The following RGS6 variants were observed in gnomAD, a reference collection of about 807,000 sequenced individuals.
RGS6 encodes regulator of G-protein signaling 6.
In RGS6, 30 loss-of-function variants were observed where a neutral mutation model predicts 78.5. That is an observed-to-expected ratio of 0.38 (90% CI 0.29 to 0.52). RGS6 has a LOEUF of 0.52. Ranked by LOEUF, RGS6 falls within the 20% of genes least tolerant of loss-of-function variation. RGS6 has a pLI of 0.85. For missense variants in RGS6, 495 were observed against 609.7 expected (o/e 0.81, Z 1.98); for synonymous variants, 206 against 206.0 (o/e 1.00, Z 0.00).
chr14:72,371,056 G>C (rs1189379970), intron 3 of RGS6, among the ~76,000 whole-genome samples: 1 of 152,198 alleles, frequency 6.6e-6, no homozygotes, highest in Non-Finnish European at 1.5e-5. Context: ...ATGGAAGGAA[G>C]GGTGTGGCTT....
At chr14:72,213,801 A>G (rs2044789786) in intron 2 of RGS6, among the ~76,000 whole-genome samples, 1 of 152,206 alleles carries the variant, frequency 6.6e-6, no homozygotes, top group Non-Finnish European at 1.5e-5. Context: ...CCCTATTGCA[A>G]AAATGATCCT....
chr14:72,427,847 TAG>T (rs1025868924), intron 3 of RGS6, among the ~76,000 whole-genome samples: 1 of 152,186 alleles, frequency 6.6e-6, no homozygotes, highest in Non-Finnish European at 1.5e-5. Flanking sequence ...CTTGGAGTAG[TAG>T]AGAGGACTCT....
At chr14:72,396,924 A>C (rs1306152485) in intron 3 of RGS6, among the ~76,000 whole-genome samples, 3 of 152,206 alleles carry the variant, frequency 2.0e-5, no homozygotes, top group Non-Finnish European at 4.4e-5. Flanking sequence ...TGGTACCAGT[A>C]CCATGCTGTT....
At chr14:72,366,174 C>T (rs1216537899) in intron 3 of RGS6, among the ~76,000 whole-genome samples, 1 of 152,140 alleles carries the variant, frequency 6.6e-6, no homozygotes, top group Non-Finnish European at 1.5e-5. Context: ...TTGAAATTTT[C>T]CCACCAATAT....
At chr14:72,599,268 G>A in the RGS6 span, among the ~76,000 whole-genome samples, 5 of 152,100 alleles carry the variant, frequency 3.3e-5, no homozygotes, top group East Asian at 1.9e-4. Context: ...GCCCCATCCC[G>A]TTCATCGCAT....
At chr14:72,303,906 C>T (rs1416215732) in intron 2 of RGS6, among the ~76,000 whole-genome samples, 3 of 152,086 alleles carry the variant, frequency 2.0e-5, no homozygotes, top group Non-Finnish European at 4.4e-5. Context: ...GCCTTTGAGC[C>T]CAAAAGTCTT....
chr14:72,348,388 T>C (rs1459158932), intron 2 of RGS6, among the ~76,000 whole-genome samples: 1 of 152,324 alleles, frequency 6.6e-6, no homozygotes, highest in South Asian at 2.1e-4. Flanking sequence ...ATCAATTAAA[T>C]AATTTATTTA....
At chr14:72,055,433 A>G (rs1215783283) in intron 2 of RGS6, among the ~76,000 whole-genome samples, 1 of 152,214 alleles carries the variant, frequency 6.6e-6, no homozygotes, top group Non-Finnish European at 1.5e-5. Context: ...AGAGGCTAGA[A>G]AACAAAGTAT....
At chr14:72,028,770 G>C (rs951430904) in intron 2 of RGS6, among the ~76,000 whole-genome samples, 1 of 152,200 alleles carries the variant, frequency 6.6e-6, no homozygotes, top group Admixed American at 6.5e-5. Context: ...GAAATTTTTA[G>C]AAGCTGTAGT....
intron 12 of RGS6, among the ~76,000 whole-genome samples, chr14:72,493,557 G>A (rs1304267521): frequency 2.6e-5 from 4 of 152,068 alleles, no homozygotes; most frequent in African/African-American, 9.7e-5. Context: ...AATTAGTGAT[G>A]AATACTATAA....
intron 2 of RGS6, among the ~76,000 whole-genome samples, chr14:72,305,449 A>G (rs1241519841): frequency 2.0e-5 from 3 of 152,104 alleles, no homozygotes; most frequent in African/African-American, 4.8e-5. Context: ...TATCAGTGCC[A>G]TTTTCCCAAA....
intron 2 of RGS6, among the ~76,000 whole-genome samples, chr14:72,208,872 C>T (rs1301348903): frequency 6.6e-6 from 1 of 152,094 alleles, no homozygotes; most frequent in South Asian, 2.1e-4. Flanking sequence ...TTCCTGCTAT[C>T]CCATGATAGG....
chr14:72,559,312 T>C (rs1043772854), intron 17 of RGS6, among the ~76,000 whole-genome samples: 1 of 152,200 alleles, frequency 6.6e-6, no homozygotes, highest in African/African-American at 2.4e-5. Context: ...CTTTGATCAC[T>C]GAAAACTACA....
chr14:72,284,069 A>G (rs929963555), intron 2 of RGS6, among the ~76,000 whole-genome samples: 1 of 152,204 alleles, frequency 6.6e-6, no homozygotes, highest in Non-Finnish European at 1.5e-5. Context: ...GATTTAGGGT[A>G]TCTGGCAGAA....
At position 72,352,123 on chromosome 14, in the gene RGS6, A is replaced by G; in HGVS notation, c.113A>G (p.Asp38Gly). The G allele has an allele frequency of 6.2e-7, 1 of 1,613,324 alleles. No homozygotes were observed. Among genetic ancestry groups the G allele is most frequent in the Non-Finnish European group, 8.5e-7 (1 of 1,179,666 alleles). Residue 38 changes from aspartate (D) to glycine (G), a missense_variant, in exon 3 of 18, where the codon GAT becomes GGT. Transcript: ENST00000553525. The part of the protein sequence containing the change: ...KIEDIITKMQ[D>G]DKTGGVPIRT... ...GAAGACATCATTACAAAGATGCAAG[A>G]TGACAAGACAGGGGGTGTGCCCATC...
At chr14:72,351,647 G>A (rs2079125265) in intron 2 of RGS6, among the ~76,000 whole-genome samples, 2 of 152,080 alleles carry the variant, frequency 1.3e-5, no homozygotes, top group African/African-American at 4.8e-5. Flanking sequence ...ATTCCCAATA[G>A]CAGCATGTTA....
chr14:72,146,497 CCT>C (rs1478507402), intron 2 of RGS6, among the ~76,000 whole-genome samples: 1 of 152,078 alleles, frequency 6.6e-6, no homozygotes, highest in Admixed American at 6.6e-5. Context: ...CATGATTCAC[CCT>C]GAGGCAAATT....
upstream of RGS6, among the ~76,000 whole-genome samples, chr14:71,932,190 C>G (rs970802175): frequency 1.3e-5 from 2 of 152,314 alleles, no homozygotes; most frequent in East Asian, 3.9e-4. Context: ...TTTTCTCCTC[C>G]TCGAGCAAAT....
At chr14:72,150,811 C>A (rs1358592181) in intron 2 of RGS6, among the ~76,000 whole-genome samples, 1 of 152,160 alleles carries the variant, frequency 6.6e-6, no homozygotes, top group African/African-American at 2.4e-5. Flanking sequence ...CCAGGCCCCT[C>A]TTTCAACCTT....
Sources: allele counts gnomAD v4.1 joint callset (sites outside exome capture counted in the v4.1 genomes callset), GRCh38; gene constraint gnomAD v4.1.1; transcripts MANE v1.5; gene names NCBI Gene and HGNC (gene_info 2026-07-23, HGNC 2026-07-21).